Variants in B3GALT1 observed in about 807,000 individuals in gnomAD.
B3GALT1 encodes the protein UDP-Gal:betaGlcNAc beta 1,3-galactosyltransferase, polypeptide 1.
B3GALT1 carries 10 observed loss-of-function variants against 23.2 expected under a neutral mutation model. The ratio of observed to expected loss-of-function variants is 0.43; its 90% CI spans 0.27 to 0.73. The LOEUF (loss-of-function observed/expected upper bound fraction) is 0.73, where lower values mean the gene tolerates loss of function less well. B3GALT1 is among the 30% of genes least tolerant of loss of function. The pLI is 0.21. For missense variants in B3GALT1, 299 were observed against 405.4 expected (o/e 0.74, Z 2.25); for synonymous variants, 156 against 141.5 (o/e 1.10, Z -0.73).
intron 1 of B3GALT1, among the ~76,000 whole-genome samples, chr2:167,386,934 C>T (rs138587384): frequency 1.4e-4 from 21 of 152,304 alleles, no homozygotes; most frequent in Non-Finnish European, 2.2e-4. Flanking sequence ...CTGTCTCTCA[C>T]CTCCTCTGCC....
intron 1 of B3GALT1, among the ~76,000 whole-genome samples, chr2:167,391,083 T>C (rs1191450045): frequency 1.3e-5 from 2 of 152,214 alleles, no homozygotes; most frequent in East Asian, 3.9e-4. Context: ...ATGTGGAAAG[T>C]ATGTGAAGGA....
intron 1 of B3GALT1, among the ~76,000 whole-genome samples, chr2:167,479,672 T>C (rs574924928): frequency 6.6e-6 from 1 of 152,284 alleles, no homozygotes; most frequent in Non-Finnish European, 1.5e-5. Flanking sequence ...AAAGTGATCC[T>C]CTTTGGGTTC....
intron 2 of B3GALT1, among the ~76,000 whole-genome samples, chr2:167,606,691 A>G (rs1250174249): frequency 6.6e-6 from 1 of 152,216 alleles, no homozygotes; most frequent in Non-Finnish European, 1.5e-5. Context: ...TAGTTTAGCC[A>G]GAGAAGAAAA....
chr2:167,818,985 C>T (rs997404361), intron 4 of B3GALT1, among the ~76,000 whole-genome samples, 192 bp downstream of exon 4: 2 of 151,892 alleles, frequency 1.3e-5, no homozygotes, highest in African/African-American at 4.8e-5. Flanking sequence ...CCATAAAAGC[C>T]TTATTTCTTT....
At chr2:167,605,809 A>C (rs1684953460) in intron 2 of B3GALT1, among the ~76,000 whole-genome samples, 2 of 152,224 alleles carry the variant, frequency 1.3e-5, no homozygotes, top group Admixed American at 6.5e-5. Context: ...AGAGCAAGTT[A>C]AACATTATAT....
At chr2:167,588,304 A>G (rs562278224) in intron 2 of B3GALT1, among the ~76,000 whole-genome samples, 47 of 152,348 alleles carry the variant, frequency 3.1e-4, no homozygotes, top group African/African-American at 1.1e-3. Context: ...TCTTCTTTTC[A>G]TCAACAAATT....
intron 2 of B3GALT1, among the ~76,000 whole-genome samples, chr2:167,564,487 G>A (rs889140784): frequency 3.9e-5 from 6 of 152,130 alleles, no homozygotes; most frequent in African/African-American, 7.2e-5. Context: ...CTGCAATCTC[G>A]GCACCCTGGG....
chr2:167,711,808 T>C (rs1160001655), intron 3 of B3GALT1, among the ~76,000 whole-genome samples: 1 of 151,892 alleles, frequency 6.6e-6, no homozygotes, highest in Non-Finnish European at 1.5e-5. Flanking sequence ...ATCCTAAAAA[T>C]ACAAAAAAAA....
chr2:167,537,825 CTTT>C (rs530916294), intron 2 of B3GALT1, among the ~76,000 whole-genome samples: 13 of 132,894 alleles, frequency 9.8e-5, no homozygotes, highest in Non-Finnish European at 9.7e-5. Context: ...GATGCTTGTT[CTTT>C]TTTTTTTTTT....
intron 4 of B3GALT1, among the ~76,000 whole-genome samples, chr2:167,842,841 C>G (rs542468769): frequency 6.6e-6 from 1 of 152,212 alleles, no homozygotes; most frequent in South Asian, 2.1e-4. Flanking sequence ...CCACTGTATT[C>G]CAGCCTGCAC....
In B3GALT1 at chr2:167,697,815, AAAAC is replaced by A. The variant is rs368245441; in HGVS notation, c.-352+50864_-352+50867del. 9.1e-3 allele frequency among the ~76,000 whole-genome samples: 1,384 copies of A among 152,340 alleles called. 24 individuals carry two copies. Among genetic ancestry groups the A allele is most frequent in the South Asian group, 0.031 (149 of 4,834 alleles). The stretch of plus-strand genomic sequence containing the variant: ...AAAGCATTGATTAGGTTGATCCTTG[AAAAC>A]AAACAAACAAACAAGCGAAGTGGAA... On this transcript the variant is annotated intron_variant, in intron 3 of 4. Coordinates refer to ENST00000392690, the MANE Select transcript of B3GALT1 (RefSeq NM_020981.4).
chr2:167,627,387 G>A (rs1251947871), intron 2 of B3GALT1, among the ~76,000 whole-genome samples: 3 of 151,542 alleles, frequency 2.0e-5, no homozygotes, highest in African/African-American at 7.3e-5. Flanking sequence ...CTATCAGTTT[G>A]CCTTTTCTGG....
intron 2 of B3GALT1, among the ~76,000 whole-genome samples, chr2:167,536,366 ATAAT>A (rs1411889665): frequency 1.3e-5 from 2 of 152,228 alleles, no homozygotes; most frequent in Non-Finnish European, 2.9e-5. Context: ...AGACGTGGAA[ATAAT>A]TAAAGAATTA....
chr2:167,821,319 GCAAA>G (rs1424353098), intron 4 of B3GALT1, among the ~76,000 whole-genome samples: 1 of 151,272 alleles, frequency 6.6e-6, no homozygotes, highest in South Asian at 2.1e-4. Context: ...GATCTTGTTT[GCAAA>G]CAAAACAAAA....
At chr2:167,716,296 T>A (rs1447501385) in intron 3 of B3GALT1, among the ~76,000 whole-genome samples, 1 of 151,602 alleles carries the variant, frequency 6.6e-6, no homozygotes, top group Non-Finnish European at 1.5e-5. Context: ...CTTTACATCC[T>A]GAGGCAGCGC....
At chr2:167,847,009 G>C (rs997088495) in intron 4 of B3GALT1, among the ~76,000 whole-genome samples, 2 of 152,172 alleles carry the variant, frequency 1.3e-5, no homozygotes, top group Non-Finnish European at 2.9e-5. Flanking sequence ...AAGAGACAAA[G>C]AGAGACACTA....
intron 3 of B3GALT1, among the ~76,000 whole-genome samples, chr2:167,670,990 A>G (rs544965129): frequency 1.3e-5 from 2 of 152,294 alleles, no homozygotes; most frequent in Admixed American, 6.5e-5. Flanking sequence ...GAAGGGATGG[A>G]AAAGATATTC....
chr2:167,506,278 G>T (rs538929265), intron 2 of B3GALT1, among the ~76,000 whole-genome samples: 1 of 152,168 alleles, frequency 6.6e-6, no homozygotes, highest in South Asian at 2.1e-4. Flanking sequence ...TTTCACCATT[G>T]TATCAATGGC....
At chr2:167,661,567 G>T (rs755155393) in intron 3 of B3GALT1, among the ~76,000 whole-genome samples, 14 of 152,028 alleles carry the variant, frequency 9.2e-5, no homozygotes, top group Non-Finnish European at 1.9e-4. Flanking sequence ...GTGTTTAGCA[G>T]CATTGTTAGC....
Sources: allele counts gnomAD v4.1 joint callset (sites outside exome capture counted in the v4.1 genomes callset), GRCh38; gene constraint gnomAD v4.1.1; transcripts MANE v1.5; gene names NCBI Gene and HGNC (gene_info 2026-07-23, HGNC 2026-07-21).